The following VAV2 variants were observed in gnomAD, a reference collection of about 807,000 sequenced individuals.
VAV2 encodes vav guanine nucleotide exchange factor 2, also known as guanine nucleotide exchange factor VAV2.
A neutral mutation model predicts 132.5 loss-of-function variants in VAV2; 67 were observed. The ratio of observed to expected loss-of-function variants is 0.51; its 90% CI spans 0.42 to 0.62. The LOEUF is 0.62. Ranked by LOEUF, VAV2 falls within the 20% of genes least tolerant of loss-of-function variation. VAV2 has a pLI of 0.00. For missense variants in VAV2, 938 were observed against 1,153.6 expected, an observed-to-expected ratio of 0.81 and a Z score of 2.71; for synonymous variants, 492 against 443.5, an observed-to-expected ratio of 1.11 and a Z score of -1.37.
At chr9:133,814,706 C>G (rs1835490641) in intron 4 of VAV2, among the ~76,000 whole-genome samples, 1 of 152,234 alleles carries the variant, frequency 6.6e-6, no homozygotes, top group Non-Finnish European at 1.5e-5. Context: ...CCCAACAGAG[C>G]CCAGGGCTCT....
In VAV2 at chr9:133,863,998, C is replaced by T. The variant is rs1001012843; in HGVS notation, c.322-2566G>A. On this transcript the variant is annotated intron_variant, in intron 2 of 29. Coordinates refer to ENST00000371850, the MANE Select transcript of VAV2 (RefSeq NM_001134398.2). The surrounding 1 kb of genome is among the most constrained non-coding windows in gnomAD (Gnocchi z 5.0). ...GGCTGTGCCCACCCCACTCCCAGGA[C>T]AGACAGAGAGCTGGGTGTCCCCAGG... Among the ~76,000 whole-genome samples the T allele has an allele frequency of 6.6e-6, 1 of 152,100 alleles. No individual in the cohort carries two copies. The highest frequency in any genetic ancestry group is 2.4e-5 in the African/African-American group (1 of 41,444).
intron 29 of VAV2, among the ~76,000 whole-genome samples, chr9:133,766,901 C>G (rs778133541): frequency 6.6e-6 from 1 of 150,688 alleles, no homozygotes; most frequent in East Asian, 1.9e-4. Context: ...AATCAAAAGT[C>G]GCAAGGTCCT....
Position 133,961,402 on chromosome 9 carries a change from G to T in VAV2, c.205-22183C>A, listed in dbSNP as rs1841960960. Among the ~76,000 whole-genome samples the T allele has an allele frequency of 6.6e-6, 1 of 152,204 alleles. No homozygotes were observed. The highest frequency in any genetic ancestry group is 1.5e-5 in the Non-Finnish European group (1 of 68,042). ...GCACCCAGAAACTGGTCAGGCTTCT[G>T]ATGGGAACGGAGGTTGGGAACACCA... On this transcript the variant is annotated intron_variant, in intron 1 of 29. Transcript: ENST00000371850. This position sits in a 1 kb window ranked among gnomAD's most constrained non-coding sequence, Gnocchi z 4.1.
intron 10 of VAV2, 90 bp downstream of exon 10, chr9:133,797,619 TG>T: frequency 8.7e-7 from 1 of 1,146,128 alleles, no homozygotes; most frequent in Non-Finnish European, 1.2e-6. Context: ...TCCCAACAAA[TG>T]GGCAAGAGAG....
chr9:133,847,577 T>C (rs1836985927), intron 3 of VAV2, among the ~76,000 whole-genome samples: 1 of 152,140 alleles, frequency 6.6e-6, no homozygotes. Flanking sequence ...AGGGGCTCCA[T>C]GCCTAGATGA....
chr9:133,868,357 G>A lies in VAV2; in HGVS notation c.322-6925C>T, dbSNP rs114730036. On this transcript the variant is annotated intron_variant, in intron 2 of 29. Coordinates refer to ENST00000371850, the MANE Select transcript of VAV2 (RefSeq NM_001134398.2). ...TGGTTCTGGCCAGGAGATGCTCTGC[G>A]AATGGGGAAGAGCCCAGACTGCCCT... 7.7e-3 allele frequency among the ~76,000 whole-genome samples: 1,167 copies of A among 152,330 alleles called. 15 individuals are homozygous for A. Among genetic ancestry groups the A allele is most frequent in the African/African-American group, 0.027 (1,108 of 41,568 alleles).
At chr9:133,895,072 C>G (rs563240584) in intron 2 of VAV2, among the ~76,000 whole-genome samples, 14 of 152,106 alleles carry the variant, frequency 9.2e-5, no homozygotes, top group African/African-American at 3.1e-4. Context: ...AAGAGGGAGT[C>G]AAGCTCCAAG....
intron 2 of VAV2, among the ~76,000 whole-genome samples, chr9:133,889,999 T>A (rs1203650222): frequency 2.0e-5 from 3 of 152,208 alleles, no homozygotes; most frequent in Non-Finnish European, 2.9e-5. Context: ...GGACCTGTCA[T>A]CCTGGCTGGG....
At chr9:133,839,938 T>C (rs1387440168) in intron 3 of VAV2, among the ~76,000 whole-genome samples, 1 of 152,194 alleles carries the variant, frequency 6.6e-6, no homozygotes, top group Non-Finnish European at 1.5e-5. Context: ...GGGGGTGGGT[T>C]GGGTGGAGAC....
chr9:133,881,302 A>G (rs1288245973), intron 2 of VAV2, among the ~76,000 whole-genome samples: 1 of 152,262 alleles, frequency 6.6e-6, no homozygotes, highest in African/African-American at 2.4e-5. Flanking sequence ...ACGTGGGACA[A>G]GGCCCTCTGG....
At chr9:133,781,100 G>A (rs537184722) in intron 19 of VAV2, among the ~76,000 whole-genome samples, 251 of 150,796 alleles carry the variant, frequency 1.7e-3, no homozygotes, top group African/African-American at 5.9e-3. Flanking sequence ...GCCTGCTGGG[G>A]CACGTGATGA....
At position 133,845,832 on chromosome 9, in the gene VAV2, A is replaced by C. The variant is rs181778646; in HGVS notation, c.381-11492T>G. On this transcript the variant is annotated intron_variant, in intron 3 of 29. Transcript: ENST00000371850. ...GAGACAGGGATGCCAGTCCCAGCAG[A>C]GAGCAGGTTTCCAGGAGAGCCCTGG... is the stretch of plus-strand genomic sequence containing the variant. 4.3e-4 allele frequency among the ~76,000 whole-genome samples: 66 copies of C among 152,336 alleles called. 1 individual carries two copies. The highest frequency in any genetic ancestry group is 1.5e-3 in the African/African-American group (63 of 41,564).
Position 133,834,843 on chromosome 9 carries a change from C to T in VAV2, c.381-503G>A, listed in dbSNP as rs1022642627. On this transcript the variant is annotated intron_variant, in intron 3 of 29. Transcript: ENST00000371850. This position sits in a 1 kb window ranked among gnomAD's most constrained non-coding sequence, Gnocchi z 5.9. ...GGCACTGAGGGTAGGGGCTCACCCACGCCACCCACCAGCCACTGGCTTGAG... is the reference window on the plus strand; with the variant it reads ...GGCACTGAGGGTAGGGGCTCACCCATGCCACCCACCAGCCACTGGCTTGAG... Among the ~76,000 whole-genome samples the T allele has an allele frequency of 1.3e-5, 2 of 152,142 alleles. No individual in the cohort carries two copies. Among genetic ancestry groups the T allele is most frequent in the African/African-American group, 4.8e-5 (2 of 41,438 alleles).
At chr9:133,952,925 A>G (rs1294953983) in intron 1 of VAV2, among the ~76,000 whole-genome samples, 3 of 148,586 alleles carry the variant, frequency 2.0e-5, no homozygotes. Context: ...ACCTGGAGGG[A>G]GCATGGCCCC....
intron 1 of VAV2, among the ~76,000 whole-genome samples, chr9:133,956,786 C>A (rs1177932335): frequency 6.6e-6 from 1 of 152,218 alleles, no homozygotes; most frequent in Non-Finnish European, 1.5e-5. Flanking sequence ...TGCAGCCTCG[C>A]CTTCCGCCCC....
chr9:133,987,647 G>A (rs1588232468), intron 1 of VAV2, among the ~76,000 whole-genome samples: 2 of 152,290 alleles, frequency 1.3e-5, no homozygotes, highest in East Asian at 3.9e-4. Context: ...TTTACGAGGA[G>A]GAGGCCACCA....
chr9:133,780,094 G>T, intron 20 of VAV2, 155 bp from the exon 21 acceptor site: 1 of 982,288 alleles, frequency 1.0e-6, no homozygotes, highest in Non-Finnish European at 1.5e-6. Flanking sequence ...TTCCCTATGG[G>T]ACGCCCCCAC....
In VAV2 at chr9:133,794,188, C is replaced by T. The variant is rs977472108; in HGVS notation, c.1101+1480G>A. 2.6e-5 allele frequency among the ~76,000 whole-genome samples: 4 copies of T among 152,180 alleles called. No homozygotes were observed. The highest frequency in any genetic ancestry group is 5.9e-5 in the Non-Finnish European group (4 of 68,032). ...TGTCTCAGAGCCCCCGAGGACGCAT[C>T]CACGCTGGCTCACACACCGTGGCTC... is the stretch of plus-strand genomic sequence containing the variant. On this transcript the variant is annotated intron_variant, in intron 12 of 29. Transcript: ENST00000371850. The surrounding 1 kb of genome is among the most constrained non-coding windows in gnomAD (Gnocchi z 4.6).
chr9:133,916,045 TCACA>T (rs1840078276), intron 2 of VAV2, among the ~76,000 whole-genome samples: 2 of 150,178 alleles, frequency 1.3e-5, no homozygotes, highest in Admixed American at 6.6e-5. Context: ...CCATGCACAC[TCACA>T]CACAATGCAC....
Sources: gnomAD v4.1 joint callset for allele counts (sites outside exome capture counted in the v4.1 genomes callset) on GRCh38, gnomAD v4.1.1 for gene constraint, Gnocchi (gnomAD v3.1) non-coding constraint, MANE v1.5 for transcripts, NCBI Gene and HGNC (gene_info 2026-07-23, HGNC 2026-07-21) for gene names.